Variants in HOMER2 observed in about 807,000 individuals in gnomAD.
The protein encoded by HOMER2 is homer scaffold protein 2, also known as homer protein homolog 2.
A neutral mutation model predicts 47.0 loss-of-function variants in HOMER2; 27 were observed. The ratio of observed to expected loss-of-function variants is 0.57; its 90% CI spans 0.42 to 0.79. The LOEUF (loss-of-function observed/expected upper bound fraction) is 0.79. HOMER2 is among the 30% of genes least tolerant of loss of function. HOMER2 has a pLI of 0.00. For synonymous variants in HOMER2, 161 were observed against 163.8 expected (o/e 0.98, Z 0.13); for missense variants, 443 against 435.0 (o/e 1.02, Z -0.16).
chr15:82,922,394 A>G (rs1175256314), intron 1 of HOMER2, among the ~76,000 whole-genome samples: 8 of 152,344 alleles, frequency 5.3e-5, no homozygotes, highest in African/African-American at 1.9e-4. Context: ...CTATCAGCCC[A>G]AGAGAACCTT....
chr15:82,933,089 T>A (rs563757281), intron 1 of HOMER2, among the ~76,000 whole-genome samples: 1 of 151,686 alleles, frequency 6.6e-6, no homozygotes, highest in South Asian at 2.1e-4. Context: ...CAGGTGGTGC[T>A]AATCTCCTTT....
At chr15:82,970,568 A>C (rs1354784083) in intron 1 of HOMER2, among the ~76,000 whole-genome samples, 2 of 152,208 alleles carry the variant, frequency 1.3e-5, no homozygotes, top group Non-Finnish European at 2.9e-5. Flanking sequence ...ATCTATTTCA[A>C]GGATGGGCAG....
At chr15:82,954,254 A>C (rs1404026715), upstream of HOMER2, among the ~76,000 whole-genome samples, 4 of 152,088 alleles carry the variant, frequency 2.6e-5, no homozygotes, top group Non-Finnish European at 1.5e-5. Flanking sequence ...CTTCAAAGGC[A>C]AGCCACTGAA....
At position 82,983,339 on chromosome 15, in the gene HOMER2, A is replaced by ATGAAAT. The variant is rs1413348674; in HGVS notation, n.82+2447_82+2448insATTTCA. Among the ~76,000 whole-genome samples the ATGAAAT allele has an allele frequency of 6.8e-4, 103 of 152,312 alleles. 1 individual carries two copies. The highest frequency in any genetic ancestry group is 2.3e-3 in the African/African-American group (96 of 41,580). On this transcript the variant is annotated intron_variant and non_coding_transcript_variant, in intron 1 of 1. Transcript: ENST00000500334. ...CAACTGTACACCAGTGATTTCAACT[A>ATGAAAT]TTGTTTCTTCATGAATTACTCACAC...
chr15:82,859,994 T>C (rs1204241920), intron 4 of HOMER2, among the ~76,000 whole-genome samples: 1 of 152,088 alleles, frequency 6.6e-6, no homozygotes, highest in Non-Finnish European at 1.5e-5. Flanking sequence ...ACACCTGTAA[T>C]CCCAGCACTT....
intron 3 of HOMER2, among the ~76,000 whole-genome samples, chr15:82,872,406 A>G (rs1286572596): frequency 6.6e-6 from 1 of 151,998 alleles, no homozygotes; most frequent in Non-Finnish European, 1.5e-5. Flanking sequence ...GTGCCTCGGT[A>G]TTTTTAAAAT....
intron 1 of HOMER2, among the ~76,000 whole-genome samples, chr15:82,983,128 C>A: frequency 6.6e-6 from 1 of 152,148 alleles, no homozygotes; most frequent in Non-Finnish European, 1.5e-5. Context: ...TATAGTTGGG[C>A]AAGCTCATTT....
intron 1 of HOMER2, among the ~76,000 whole-genome samples, chr15:82,916,574 C>A (rs540687394): frequency 1.3e-5 from 2 of 152,260 alleles, no homozygotes; most frequent in East Asian, 3.9e-4. Context: ...CTCTTGCTTC[C>A]CAATCTAAAG....
intron 1 of HOMER2, among the ~76,000 whole-genome samples, chr15:82,947,883 C>A (rs1222874246): frequency 6.6e-6 from 1 of 152,176 alleles, no homozygotes; most frequent in African/African-American, 2.4e-5. Context: ...AGGTCCTATC[C>A]TTTTGGGATG....
rs949385898 is a variant in HOMER2 at position 82,952,552 on chromosome 15, GCGGCCGCTCCGA to G, written c.-29_-18del. On this transcript the variant is annotated 5_prime_UTR_variant, in exon 1 of 9. Transcript: ENST00000450735. The stretch of plus-strand genomic sequence containing the variant: ...TCACCCCATCTCCGGCGCTGCTCCG[GCGGCCGCTCCGA>G]CGGGGCCTCTCGCGCTCGCTCTCCG... 1.7e-6 allele frequency: 2 copies of G among 1,178,368 alleles called. No homozygotes were observed. The highest frequency in any genetic ancestry group is 3.2e-5 in the African/African-American group (2 of 62,272). The allele number at this position is 1,178,368 out of a possible 1,614,324, so 73.0% of individuals were successfully genotyped here.
chr15:82,982,403 A>G (rs1735163551), intron 1 of HOMER2, among the ~76,000 whole-genome samples: 1 of 152,240 alleles, frequency 6.6e-6, no homozygotes, highest in East Asian at 1.9e-4. Flanking sequence ...GAATGAAAAG[A>G]CATTGGTGGG....
chr15:82,899,618 GA>G (rs2151119024), intron 1 of HOMER2, among the ~76,000 whole-genome samples: 1 of 152,318 alleles, frequency 6.6e-6, no homozygotes, highest in Non-Finnish European at 1.5e-5. Context: ...GAACACCCAA[GA>G]AAATCAACTG....
intron 1 of HOMER2, among the ~76,000 whole-genome samples, chr15:82,973,875 G>A (rs1567079903): frequency 6.6e-6 from 1 of 152,120 alleles, no homozygotes; most frequent in Non-Finnish European, 1.5e-5. Flanking sequence ...AGACCAGCGT[G>A]GTCAACATGC....
chr15:82,955,373 G>A (rs1233953213), upstream of HOMER2, among the ~76,000 whole-genome samples: 2 of 151,566 alleles, frequency 1.3e-5, no homozygotes, highest in African/African-American at 2.4e-5. Flanking sequence ...GTTTCACCAT[G>A]TTAGCTAGGA....
intron 3 of HOMER2, among the ~76,000 whole-genome samples, chr15:82,867,603 C>T (rs1654205691): frequency 6.6e-6 from 1 of 152,140 alleles, no homozygotes; most frequent in African/African-American, 2.4e-5. Flanking sequence ...TAACGAGGTA[C>T]CATTGTTTGC....
At chr15:82,856,190 A>T (rs2051579476) in intron 5 of HOMER2, among the ~76,000 whole-genome samples, 1 of 152,190 alleles carries the variant, frequency 6.6e-6, no homozygotes, top group South Asian at 2.1e-4. Flanking sequence ...AATTTAAGCT[A>T]ATTTAGGGAA....
At chr15:82,976,678 G>GTTTTTT (rs11422973) in intron 1 of HOMER2, among the ~76,000 whole-genome samples, 1 of 125,206 alleles carries the variant, frequency 8.0e-6, no homozygotes, top group Non-Finnish European at 1.6e-5. Flanking sequence ...TTTGTGTGTG[G>GTTTTTT]TTTTTTTTTT....
intron 2 of HOMER2, among the ~76,000 whole-genome samples, chr15:82,881,793 A>G (rs2052529423): frequency 6.6e-6 from 1 of 152,152 alleles, no homozygotes; most frequent in South Asian, 2.1e-4. Flanking sequence ...GTGTGGCTAA[A>G]TATTTGTAGA....
At chr15:82,962,110 C>T (rs945449132) in intron 1 of HOMER2, among the ~76,000 whole-genome samples, 1 of 151,866 alleles carries the variant, frequency 6.6e-6, no homozygotes, top group South Asian at 2.1e-4. Flanking sequence ...GTGACTCACA[C>T]CCGTAATGCC....
Sources: allele counts gnomAD v4.1 joint callset (sites outside exome capture counted in the v4.1 genomes callset), GRCh38; gene constraint gnomAD v4.1.1; transcripts MANE v1.5; gene names NCBI Gene and HGNC (gene_info 2026-07-23, HGNC 2026-07-21).